Variants in LRMDA observed in about 807,000 individuals in gnomAD.
LRMDA encodes the protein leucine rich melanocyte differentiation associated.
In LRMDA, 18 loss-of-function variants were observed where a neutral mutation model predicts 29.8. The ratio of observed to expected loss-of-function variants is 0.60; its 90% CI spans 0.42 to 0.90. The LOEUF (loss-of-function observed/expected upper bound fraction) is 0.90, where lower values mean the gene tolerates loss of function less well. Among genes scored for constraint, LRMDA ranks in the 40% least tolerant of loss-of-function variants. The pLI is 0.00. For missense variants in LRMDA, 273 were observed against 273.9 expected (o/e 1.00, Z 0.02); for synonymous variants, 125 against 109.4 (o/e 1.14, Z -0.89).
At chr10:75,493,944 GGGTCTCACT>G (rs1845017120) in intron 2 of LRMDA, among the ~76,000 whole-genome samples, 1 of 151,954 alleles carries the variant, frequency 6.6e-6, no homozygotes, top group African/African-American at 2.4e-5. Context: ...TTTAGAGACA[GGGTCTCACT>G]GTATTGCCCA....
Position 75,751,072 on chromosome 10 carries a change from C to T in LRMDA, c.132-284936C>T, listed in dbSNP as rs138213790. On this transcript the variant is annotated intron_variant, in intron 2 of 6. Transcript: ENST00000611255. ...ACTCCGTCTGCAATCCCGGCACCTC[C>T]GGAGTCTGAGGCGGGCAGATCACTC... is the stretch of plus-strand genomic sequence containing the variant. 6.1e-3 allele frequency among the ~76,000 whole-genome samples: 936 copies of T among 152,330 alleles called. 13 individuals carry two copies. Among genetic ancestry groups the T allele is most frequent in the African/African-American group, 0.021 (880 of 41,572 alleles).
intron 5 of LRMDA, among the ~76,000 whole-genome samples, chr10:76,188,023 C>T (rs529134232): frequency 1.6e-4 from 25 of 152,248 alleles, no homozygotes; most frequent in African/African-American, 5.8e-4. Context: ...CAGGACCCCA[C>T]CAGAGACCCT....
chr10:75,482,301 G>T (rs865959134), intron 2 of LRMDA, among the ~76,000 whole-genome samples: 1 of 152,118 alleles, frequency 6.6e-6, no homozygotes, highest in African/African-American at 2.4e-5. Flanking sequence ...ATGAACTCAC[G>T]TGGAGCAGAC....
intron 2 of LRMDA, among the ~76,000 whole-genome samples, chr10:75,893,282 T>A (rs976120222): frequency 6.6e-6 from 1 of 152,144 alleles, no homozygotes; most frequent in African/African-American, 2.4e-5. Flanking sequence ...ATATTTGTCA[T>A]TGATCTCCAT....
chr10:76,060,953 A>G (rs1848692795), intron 5 of LRMDA, among the ~76,000 whole-genome samples: 1 of 152,230 alleles, frequency 6.6e-6, no homozygotes, highest in Admixed American at 6.5e-5. Flanking sequence ...CATTGTGGAA[A>G]GCAGTATGGC....
chr10:75,521,456 G>A (rs186499438), intron 2 of LRMDA, among the ~76,000 whole-genome samples: 2 of 152,346 alleles, frequency 1.3e-5, no homozygotes, highest in Admixed American at 6.5e-5. Flanking sequence ...CTCGCAGGTC[G>A]ATCTCAGACT....
chr10:76,351,307 A>G (rs1841174012), intron 6 of LRMDA, among the ~76,000 whole-genome samples: 1 of 152,162 alleles, frequency 6.6e-6, no homozygotes, highest in African/African-American at 2.4e-5. Flanking sequence ...GAATTCCCCT[A>G]GGATGGACAT....
intron 6 of LRMDA, among the ~76,000 whole-genome samples, chr10:76,541,894 G>A (rs7072009): frequency 0.27 from 40,336 of 152,016 alleles, 6,012 homozygotes; most frequent in Non-Finnish European, 0.34. Flanking sequence ...TTTATGTACT[G>A]TAAATGCTCA....
intron 2 of LRMDA, among the ~76,000 whole-genome samples, chr10:75,675,069 C>T (rs1221635993): frequency 6.6e-6 from 1 of 152,134 alleles, no homozygotes; most frequent in Non-Finnish European, 1.5e-5. Flanking sequence ...AGTTTTCAAT[C>T]CTTGAAAATG....
intron 5 of LRMDA, among the ~76,000 whole-genome samples, chr10:76,301,559 C>T (rs1840480387): frequency 6.6e-6 from 1 of 152,172 alleles, no homozygotes; most frequent in Non-Finnish European, 1.5e-5. Flanking sequence ...TTTATGAATT[C>T]ACCACACAAT....
intron 2 of LRMDA, among the ~76,000 whole-genome samples, chr10:75,622,607 G>C (rs556048495): frequency 2.0e-5 from 3 of 152,288 alleles, no homozygotes; most frequent in African/African-American, 7.2e-5. Context: ...ATAGTGCTGG[G>C]CTGGCTTAGG....
intron 2 of LRMDA, among the ~76,000 whole-genome samples, chr10:75,452,936 A>G (rs907847182): frequency 3.9e-5 from 6 of 152,202 alleles, no homozygotes; most frequent in African/African-American, 1.2e-4. Flanking sequence ...CATTTAAATT[A>G]TTTAAAGTTT....
At chr10:76,438,106 G>T (rs899191736) in intron 6 of LRMDA, among the ~76,000 whole-genome samples, 1 of 152,174 alleles carries the variant, frequency 6.6e-6, no homozygotes, top group Non-Finnish European at 1.5e-5. Context: ...GTGTGGTGAT[G>T]CAGGAAGCCT....
chr10:76,047,492 A>G (rs987756297), intron 4 of LRMDA, among the ~76,000 whole-genome samples, 189 bp downstream of exon 4: 1 of 152,234 alleles, frequency 6.6e-6, no homozygotes, highest in African/African-American at 2.4e-5. Flanking sequence ...AAAAGCTAAG[A>G]AAGATGAAAA....
At chr10:75,702,629 A>G (rs917164278) in intron 2 of LRMDA, among the ~76,000 whole-genome samples, 12 of 152,212 alleles carry the variant, frequency 7.9e-5, no homozygotes, top group Non-Finnish European at 1.5e-5. Flanking sequence ...AACCCCACAA[A>G]TATTCAGATT....
At chr10:75,647,710 G>T (rs1336110130) in intron 2 of LRMDA, 2 of 152,104 alleles carry the variant, frequency 1.3e-5, no homozygotes, top group Non-Finnish European at 2.9e-5. Flanking sequence ...CATAAATAAA[G>T]GACTTATAAA....
At chr10:75,706,304 C>G (rs1842367970) in intron 2 of LRMDA, among the ~76,000 whole-genome samples, 1 of 151,800 alleles carries the variant, frequency 6.6e-6, no homozygotes, top group South Asian at 2.1e-4. Context: ...ATACGTTTTC[C>G]ACATTTTGTA....
intron 2 of LRMDA, among the ~76,000 whole-genome samples, chr10:75,561,224 T>A (rs1840290004): frequency 6.6e-6 from 1 of 151,692 alleles, no homozygotes; most frequent in African/African-American, 2.4e-5. Context: ...CTGTTGTTGG[T>A]CTATTCAGAG....
intron 2 of LRMDA, among the ~76,000 whole-genome samples, chr10:75,465,999 A>G (rs1734352429): frequency 6.6e-6 from 1 of 152,254 alleles, no homozygotes; most frequent in Non-Finnish European, 1.5e-5. Context: ...AAGATTAGCC[A>G]TAGGCACTGC....
Sources: gnomAD v4.1 joint callset for allele counts (sites outside exome capture counted in the v4.1 genomes callset) on GRCh38, gnomAD v4.1.1 for gene constraint, MANE v1.5 for transcripts, NCBI Gene and HGNC (gene_info 2026-07-23, HGNC 2026-07-21) for gene names.